The following PCSK5 variants were observed in gnomAD, a reference collection of about 807,000 sequenced individuals.
PCSK5 encodes the protein prohormone convertase 5.
A neutral mutation model predicts 233.2 loss-of-function variants in PCSK5; 129 were observed. The observed-to-expected ratio is 0.55, with a 90% CI of 0.48 to 0.64. The LOEUF is 0.64. Ranked by LOEUF, PCSK5 falls within the 30% of genes least tolerant of loss-of-function variation. The pLI is 0.00. For synonymous variants in PCSK5, 825 were observed against 879.2 expected (o/e 0.94, Z 1.09); for missense variants, 2,076 against 2,430.1 (o/e 0.85, Z 3.06).
At chr9:76,188,222 G>C (rs578085485) in intron 17 of PCSK5, among the ~76,000 whole-genome samples, 4 of 152,214 alleles carry the variant, frequency 2.6e-5, no homozygotes, top group Non-Finnish European at 5.9e-5. Flanking sequence ...AAATTGTTGG[G>C]CTTATTGCTA....
chr9:76,323,867 T>C (rs956772970), intron 32 of PCSK5, among the ~76,000 whole-genome samples: 1 of 151,334 alleles, frequency 6.6e-6, no homozygotes, highest in African/African-American at 2.4e-5. Flanking sequence ...CTTTTCTTGA[T>C]AACACAAGCA....
intron 24 of PCSK5, among the ~76,000 whole-genome samples, chr9:76,281,357 A>G (rs1827857181): frequency 1.3e-5 from 2 of 152,240 alleles, no homozygotes; most frequent in South Asian, 2.1e-4. Context: ...TTCACTTATC[A>G]TTCTGAAAAT....
At chr9:76,271,532 A>G (rs919736592) in intron 24 of PCSK5, among the ~76,000 whole-genome samples, 4 of 152,186 alleles carry the variant, frequency 2.6e-5, no homozygotes, top group African/African-American at 4.8e-5. Flanking sequence ...TGCTGCCACA[A>G]AGTACTATAA....
chr9:76,072,622 G>T (rs1830519076), intron 7 of PCSK5, among the ~76,000 whole-genome samples: 1 of 152,160 alleles, frequency 6.6e-6, no homozygotes, highest in Admixed American at 6.5e-5. Flanking sequence ...AAAGCATACA[G>T]TTAGTCTTGT....
At chr9:76,056,046 C>T (rs1829808924) in intron 5 of PCSK5, among the ~76,000 whole-genome samples, 1 of 152,040 alleles carries the variant, frequency 6.6e-6, no homozygotes, top group Non-Finnish European at 1.5e-5. Flanking sequence ...TAGATTCATA[C>T]AAAATTTAAA....
chr9:76,159,296 C>A, intron 12 of PCSK5, 125 bp downstream of exon 12: 1 of 747,124 alleles, frequency 1.3e-6, no homozygotes, highest in Non-Finnish European at 2.2e-6. Context: ...GCTTAGATGT[C>A]AGGATCTCAC....
At chr9:75,950,153 C>CGG (rs1162749995) in intron 2 of PCSK5, among the ~76,000 whole-genome samples, 5 of 55,224 alleles carry the variant, frequency 9.1e-5, no homozygotes, top group Middle Eastern at 0.027. Flanking sequence ...GTGGGGGGGG[C>CGG]GGGGAGGGGG....
Position 75,960,469 on chromosome 9 carries a change from G to GA in PCSK5, c.298-25656dup, listed in dbSNP as rs1587422283. On this transcript the variant is annotated intron_variant, in intron 2 of 37. Transcript: ENST00000674117. Reference sequence around the variant, plus strand: ...GCAAGACAAGAGAGAGACTATCAGAGAAAAAAACTAATTTTAATATTCTGG... The same window carrying GA: ...GCAAGACAAGAGAGAGACTATCAGAGAAAAAAAACTAATTTTAATATTCTGG... Among the ~76,000 whole-genome samples, 12 of 152,110 alleles carry GA rather than the reference G, an allele frequency of 7.9e-5. No individual in the cohort carries two copies. In the South Asian group the frequency reaches 2.5e-3, roughly 32 times the overall value.
chr9:76,043,459 G>C (rs946947264), intron 5 of PCSK5, among the ~76,000 whole-genome samples: 7 of 152,026 alleles, frequency 4.6e-5, no homozygotes, highest in African/African-American at 1.7e-4. Flanking sequence ...AAGTTACCTG[G>C]GGCTGTTTTC....
At chr9:76,161,941 C>T (rs554795128) in intron 12 of PCSK5, among the ~76,000 whole-genome samples, 1 of 152,328 alleles carries the variant, frequency 6.6e-6, no homozygotes, top group Non-Finnish European at 1.5e-5. Context: ...ATAAAGTTTG[C>T]TCCCAGAATG....
intron 2 of PCSK5, among the ~76,000 whole-genome samples, chr9:75,980,222 A>G (rs902745195): frequency 1.3e-5 from 2 of 152,368 alleles, no homozygotes; most frequent in Non-Finnish European, 2.9e-5. Context: ...GAGTTTTTCT[A>G]TAAACAAAAT....
At chr9:76,094,283 TC>T (rs767881169) in intron 7 of PCSK5, among the ~76,000 whole-genome samples, 1,572 of 152,212 alleles carry the variant, frequency 0.01, 18 homozygotes, top group South Asian at 0.032. Flanking sequence ...TAAGACAGCA[TC>T]CCCCAAATGC....
intron 34 of PCSK5, among the ~76,000 whole-genome samples, chr9:76,333,422 A>G (rs1394318992): frequency 6.6e-6 from 1 of 152,216 alleles, no homozygotes; most frequent in Non-Finnish European, 1.5e-5. Flanking sequence ...TTTATTCCCC[A>G]TTAATTCCCC....
At chr9:75,995,109 A>G (rs758510821) in intron 3 of PCSK5, among the ~76,000 whole-genome samples, 1 of 152,058 alleles carries the variant, frequency 6.6e-6, no homozygotes, top group African/African-American at 2.4e-5. Flanking sequence ...GTTAATTCCA[A>G]TGCTCCCTTG....
Position 75,953,833 on chromosome 9 carries a change from T to C in PCSK5, c.297+21350T>C, listed in dbSNP as rs74936833. On this transcript the variant is annotated intron_variant, in intron 2 of 37. Coordinates refer to ENST00000674117, the MANE Select transcript of PCSK5 (RefSeq NM_001372043.1). ...ACCTTAGTAAAAGAAAAAAAAAATA[T>C]GAGTATGTGGTTTTGTCACTATTAT... Among the ~76,000 whole-genome samples the C allele has an allele frequency of 4.2e-3, 636 of 152,012 alleles. 4 individuals carry two copies. Among genetic ancestry groups the C allele is most frequent in the Non-Finnish European group, 7.3e-3 (498 of 67,978 alleles).
intron 5 of PCSK5, among the ~76,000 whole-genome samples, chr9:76,059,540 G>A (rs571592641): frequency 2.6e-5 from 4 of 152,122 alleles, no homozygotes; most frequent in Non-Finnish European, 5.9e-5. Context: ...TTTGTATAAT[G>A]TTAAGGAAGG....
intron 7 of PCSK5, among the ~76,000 whole-genome samples, chr9:76,075,576 T>C (rs1373572853): frequency 6.6e-6 from 1 of 152,182 alleles, no homozygotes; most frequent in African/African-American, 2.4e-5. Context: ...AGTATTATCA[T>C]TTGTATTTTT....
At chr9:76,218,799 T>C (rs1399408985) in intron 20 of PCSK5, among the ~76,000 whole-genome samples, 1 of 150,344 alleles carries the variant, frequency 6.7e-6, no homozygotes, top group African/African-American at 2.4e-5. Flanking sequence ...AAAATGTGTG[T>C]CCTTACCCAA....
chr9:76,252,658 G>A (rs1302914669), intron 24 of PCSK5, among the ~76,000 whole-genome samples: 1 of 152,144 alleles, frequency 6.6e-6, no homozygotes, highest in East Asian at 1.9e-4. Context: ...CGTGCTCTGT[G>A]GGAAAGTGGG....
Sources: gnomAD v4.1 joint callset for allele counts (sites outside exome capture counted in the v4.1 genomes callset) on GRCh38, gnomAD v4.1.1 for gene constraint, MANE v1.5 for transcripts, NCBI Gene and HGNC (gene_info 2026-07-23, HGNC 2026-07-21) for gene names.